Variants in ZDHHC14 observed in about 807,000 individuals in gnomAD.
ZDHHC14 encodes zDHHC palmitoyltransferase 14, also known as palmitoyltransferase ZDHHC14.
ZDHHC14 carries 16 observed loss-of-function variants against 47.7 expected under a neutral mutation model. That is an observed-to-expected ratio of 0.34 (90% CI 0.23 to 0.51). The LOEUF (loss-of-function observed/expected upper bound fraction) is 0.51. Among genes scored for constraint, ZDHHC14 ranks in the 20% least tolerant of loss-of-function variants. The pLI, the probability that ZDHHC14 is intolerant of heterozygous loss-of-function variation, is 0.97. For missense variants in ZDHHC14, 515 were observed against 662.5 expected, an observed-to-expected ratio of 0.78 and a Z score of 2.44; for synonymous variants, 293 against 278.9, an observed-to-expected ratio of 1.05 and a Z score of -0.50.
intron 1 of ZDHHC14, among the ~76,000 whole-genome samples, chr6:157,432,202 C>G (rs1436825093): frequency 2.0e-5 from 3 of 152,172 alleles, no homozygotes; most frequent in African/African-American, 7.2e-5. Context: ...TTGGAGGCTT[C>G]ATAGCTGTGC....
chr6:157,656,706 C>CAAAAAAA (rs755645927), intron 8 of ZDHHC14, among the ~76,000 whole-genome samples: 1 of 129,306 alleles, frequency 7.7e-6, no homozygotes, highest in Non-Finnish European at 1.6e-5. Flanking sequence ...TTGAAGATAC[C>CAAAAAAA]AAAAAAAAAA....
intron 3 of ZDHHC14, among the ~76,000 whole-genome samples, chr6:157,626,777 TCACA>T (rs36019973): frequency 6.6e-6 from 1 of 151,690 alleles, no homozygotes; most frequent in Non-Finnish European, 1.5e-5. Flanking sequence ...CATTCCAGTA[TCACA>T]CAGAGTATTT....
intron 1 of ZDHHC14, among the ~76,000 whole-genome samples, chr6:157,535,004 T>C (rs1781491646): frequency 6.6e-6 from 1 of 152,240 alleles, no homozygotes; most frequent in African/African-American, 2.4e-5. Context: ...GTTTACACAC[T>C]ATGATTTGAA....
At chr6:157,488,090 C>T (rs530153799) in intron 1 of ZDHHC14, among the ~76,000 whole-genome samples, 19 of 152,308 alleles carry the variant, frequency 1.2e-4, no homozygotes, top group South Asian at 4.1e-4. Flanking sequence ...GAAGGCATCC[C>T]GTACCCACCA....
intron 5 of ZDHHC14, among the ~76,000 whole-genome samples, chr6:157,638,671 G>A (rs1372001401): frequency 2.0e-5 from 3 of 152,228 alleles, no homozygotes; most frequent in East Asian, 1.9e-4. Context: ...GGATGACAGC[G>A]GGGAGACACA....
chr6:157,430,395 A>C (rs778324583), intron 1 of ZDHHC14, among the ~76,000 whole-genome samples: 7 of 151,980 alleles, frequency 4.6e-5, no homozygotes, highest in Non-Finnish European at 8.8e-5. Context: ...CTTTTGACTA[A>C]AGCAAAGATA....
intron 1 of ZDHHC14, among the ~76,000 whole-genome samples, chr6:157,456,488 A>G (rs1428951400): frequency 1.3e-5 from 2 of 152,096 alleles, no homozygotes; most frequent in Admixed American, 1.3e-4. Context: ...GACAGTAGCT[A>G]CCTAAAACGG....
chr6:157,650,462 C>T (rs1375187754), intron 7 of ZDHHC14, among the ~76,000 whole-genome samples: 1 of 152,022 alleles, frequency 6.6e-6, no homozygotes, highest in Non-Finnish European at 1.5e-5. Flanking sequence ...TGGGCCGTGT[C>T]CAGAGCTTCG....
chr6:157,488,820 A>C (rs112180617), intron 1 of ZDHHC14, among the ~76,000 whole-genome samples: 5,234 of 152,318 alleles, frequency 0.034, 303 homozygotes, highest in African/African-American at 0.12. Flanking sequence ...TGCCAGGCGC[A>C]GGGCACCCCG....
chr6:157,395,716 C>G (rs139702514), intron 1 of ZDHHC14, among the ~76,000 whole-genome samples: 1,566 of 151,876 alleles, frequency 0.01, 28 homozygotes, highest in African/African-American at 0.037. Context: ...ATCACTTGAA[C>G]CTGGGAGGCG....
intron 1 of ZDHHC14, among the ~76,000 whole-genome samples, chr6:157,419,878 T>C (rs1562418185): frequency 6.6e-6 from 1 of 152,226 alleles, no homozygotes; most frequent in South Asian, 2.1e-4. Flanking sequence ...TGTTCTAAAG[T>C]GGCTACACCA....
intron 1 of ZDHHC14, among the ~76,000 whole-genome samples, chr6:157,532,067 G>A (rs1191214535): frequency 6.6e-6 from 1 of 152,206 alleles, no homozygotes; most frequent in East Asian, 1.9e-4. Context: ...TGGAAGCACT[G>A]GGGAAGGAGC....
At chr6:157,384,108 A>G (rs1331126916) in intron 1 of ZDHHC14, among the ~76,000 whole-genome samples, 1 of 152,236 alleles carries the variant, frequency 6.6e-6, no homozygotes, top group Admixed American at 6.5e-5. Context: ...AATCTTGAAC[A>G]GATCCAAATT....
chr6:157,672,707 C>A lies in ZDHHC14; in HGVS notation c.1069-17C>A. The A allele has an allele frequency of 3.0e-6, 4 of 1,353,230 alleles. No individual in the cohort carries two copies. 83.8% of individuals were successfully genotyped at this position (1,353,230 alleles called of 1,614,324 possible). On this transcript the variant is annotated splice_polypyrimidine_tract_variant and intron_variant, in intron 8 of 8. Coordinates refer to ENST00000359775, the MANE Select transcript of ZDHHC14 (RefSeq NM_024630.3). ...CTCCTCTCCACCTTCTCTTTGCTGG[C>A]GCCTCCCGCTCTCCAGTGCGACCAA...
chr6:157,639,219 G>T (rs113433994), intron 5 of ZDHHC14, among the ~76,000 whole-genome samples: 6,291 of 152,348 alleles, frequency 0.041, 198 homozygotes, highest in Non-Finnish European at 0.063. Context: ...GACTAAGGGG[G>T]TGAGGTCCCT....
At chr6:157,662,264 C>T (rs1477815431) in intron 8 of ZDHHC14, among the ~76,000 whole-genome samples, 1 of 152,154 alleles carries the variant, frequency 6.6e-6, no homozygotes, top group East Asian at 1.9e-4. Context: ...TCACTGCACT[C>T]TTGACCTCCC....
At chr6:157,626,490 G>A (rs531467370) in intron 3 of ZDHHC14, among the ~76,000 whole-genome samples, 6 of 152,080 alleles carry the variant, frequency 3.9e-5, no homozygotes, top group East Asian at 1.9e-4. Context: ...AGGTTTGTTC[G>A]TTGTCAATAT....
Position 157,410,219 on chromosome 6 carries a change from A to AT in ZDHHC14, c.245+27960dup, listed in dbSNP as rs1398973709. Among the ~76,000 whole-genome samples, 11 of 152,144 alleles carry AT rather than the reference A, an allele frequency of 7.2e-5. No homozygotes were observed. In the East Asian group the frequency reaches 9.7e-4, roughly 13 times the overall value. On this transcript the variant is annotated intron_variant, in intron 1 of 8. Transcript: ENST00000359775. ...CAGGAGCCTGCCTGTACTTAGTGGC[A>AT]TTTTTTTGTTTTTTCATGGATTCTC... is the stretch of plus-strand genomic sequence containing the variant.
intron 8 of ZDHHC14, among the ~76,000 whole-genome samples, chr6:157,667,462 A>G (rs1346449234): frequency 6.6e-6 from 1 of 152,100 alleles, no homozygotes; most frequent in East Asian, 1.9e-4. Context: ...AGGAAGAAAC[A>G]AAGAAGAAAA....
Sources: gnomAD v4.1 joint callset for allele counts (sites outside exome capture counted in the v4.1 genomes callset) on GRCh38, gnomAD v4.1.1 for gene constraint, MANE v1.5 for transcripts, NCBI Gene and HGNC (gene_info 2026-07-23, HGNC 2026-07-21) for gene names.